Variants in C17orf75 observed in about 807,000 individuals in gnomAD.
C17orf75 encodes the protein protein Njmu-R1.
In C17orf75, 32 loss-of-function variants were observed where a neutral mutation model predicts 49.6. The observed-to-expected ratio is 0.65, with a 90% CI of 0.49 to 0.87. The LOEUF (loss-of-function observed/expected upper bound fraction) is 0.87. Ranked by LOEUF, C17orf75 falls within the 40% of genes least tolerant of loss-of-function variation. The probability of loss-of-function intolerance (pLI) is 0.00; values close to 1 mark genes in which losing one functional copy is unlikely to be tolerated. For missense variants in C17orf75, 428 were observed against 473.9 expected (o/e 0.90, Z 0.90); for synonymous variants, 158 against 159.5 (o/e 0.99, Z 0.07).
rs777605001 is a variant in C17orf75, at chr17:32,339,903, A to C, written c.257T>G (p.Val86Gly). The change falls in exon 3 of 10, where the codon GTG becomes GGG. Residue 86 changes from valine (V) to glycine (G), a missense_variant. Val to Gly is a moderately radical substitution (Grantham distance 109). Transcript: ENST00000577809. ...AATGAAACTGCGCAGCTCTGGCTCC[A>C]CTTCGGATGGTAGATTAGTATCTGC... Reference protein sequence around the residue: ...SLADTNLPSEVEPELRSFIAK... With the variant: ...SLADTNLPSEGEPELRSFIAK... The C allele has an allele frequency of 6.2e-7, 1 of 1,614,000 alleles. No individual in the cohort carries two copies. Among genetic ancestry groups the C allele is most frequent in the Non-Finnish European group, 8.5e-7 (1 of 1,179,868 alleles).
At chr17:32,344,009 C>T, upstream of C17orf75, 1 of 679,916 alleles carries the variant, frequency 1.5e-6, no homozygotes, top group South Asian at 1.5e-5. Flanking sequence ...GGGTTTAATC[C>T]TGGCACAGAA....
At chr17:32,332,195 C>T (rs1177820637) in intron 9 of C17orf75, among the ~76,000 whole-genome samples, 2 of 152,074 alleles carry the variant, frequency 1.3e-5, no homozygotes, top group East Asian at 1.9e-4. Flanking sequence ...CAGGCTGAAG[C>T]GCAATGGCTT....
At chr17:32,343,469 C>A (rs988850263), upstream of C17orf75, 1 of 235,924 alleles carries the variant, frequency 4.2e-6, no homozygotes, top group Non-Finnish European at 8.1e-6. Flanking sequence ...CAGTTGAGAT[C>A]GTTAAATCCC....
At chr17:32,334,165 A>G (rs1345840592) in intron 8 of C17orf75, among the ~76,000 whole-genome samples, 4 of 152,174 alleles carry the variant, frequency 2.6e-5, no homozygotes, top group Non-Finnish European at 5.9e-5. Context: ...TCTTGTTGAT[A>G]AACACTTAAA....
chr17:32,346,898 C>G (rs751531009), upstream of C17orf75, among the ~76,000 whole-genome samples: 4 of 152,064 alleles, frequency 2.6e-5, no homozygotes, highest in Non-Finnish European at 4.4e-5. Context: ...GTTTATGGTG[C>G]TGTAACAAAC....
chr17:32,343,522 T>C, upstream of C17orf75: 1 of 282,540 alleles, frequency 3.5e-6, no homozygotes, highest in Non-Finnish European at 6.5e-6. Flanking sequence ...CATTAAATCC[T>C]CAGTCCTAAG....
At chr17:32,339,760 C>T (rs2041360906) in intron 3 of C17orf75, 53 bp downstream of exon 3, 1 of 1,599,322 alleles carries the variant, frequency 6.3e-7, no homozygotes, top group Non-Finnish European at 8.5e-7. Flanking sequence ...CTCATCACTT[C>T]TCATATTTAG....
Position 32,331,569 on chromosome 17 carries a change from CATTATCTA to C in C17orf75, c.*186_*193del, listed in dbSNP as rs1324285295. On this transcript the variant is annotated 3_prime_UTR_variant, in exon 10 of 10. Coordinates refer to ENST00000577809, the MANE Select transcript of C17orf75 (RefSeq NM_022344.4). ...ACTAAAATTTCACAACTCTCACATA[CATTATCTA>C]TCTAGGACTCAGTGAAGATGTTCTT... 1.9e-6 allele frequency: 1 copy of C among 532,304 alleles called. No homozygotes were observed. Among genetic ancestry groups the C allele is most frequent in the East Asian group, 3.0e-5 (1 of 33,826 alleles). The allele number at this position is 532,304 out of a possible 1,614,324, so 33.0% of individuals were successfully genotyped here.
intron 3 of C17orf75, 49 bp from the exon 4 acceptor site, chr17:32,338,400 T>A: frequency 6.4e-7 from 1 of 1,556,796 alleles, no homozygotes; most frequent in Non-Finnish European, 8.7e-7. Flanking sequence ...TACTCATGCA[T>A]CTATAATTTT....
At chr17:32,333,590 A>T in intron 8 of C17orf75, 70 bp from the exon 9 acceptor site, 1 of 1,379,218 alleles carries the variant, frequency 7.3e-7, no homozygotes, top group Non-Finnish European at 1.0e-6. Flanking sequence ...TTTATTTGAG[A>T]CGGGAGATTC....
In C17orf75 at chr17:32,329,009, G is replaced by A. The variant is rs1377563582; in HGVS notation, c.*2754C>T. 2.0e-5 allele frequency: 3 copies of A among 151,786 alleles called. No homozygotes were observed. Among genetic ancestry groups the A allele is most frequent in the African/African-American group, 7.3e-5 (3 of 41,350 alleles). 9.4% of individuals were successfully genotyped at this position (151,786 alleles called of 1,614,324 possible). ...CTCTGTGGTTTCTTCTCATGACCAA[G>A]ATATTCAGTTCCATGACACCATTTT... On this transcript the variant is annotated 3_prime_UTR_variant, in exon 10 of 10. Transcript: ENST00000577809.
rs555465835 is a variant in C17orf75 at position 32,335,764 on chromosome 17, T to C, written c.550-322A>G. 7.9e-5 allele frequency among the ~76,000 whole-genome samples: 12 copies of C among 152,344 alleles called. No homozygotes were observed. In the East Asian group the frequency reaches 1.9e-3, roughly 24 times the overall value. The stretch of plus-strand genomic sequence containing the variant: ...ACAAGTCCCTCTCCTCCCACTGTAC[T>C]GTGCACTCAATGGAGATACTCACTC... On this transcript the variant is annotated intron_variant, in intron 5 of 9. Transcript: ENST00000577809.
At chr17:32,334,384 G>A (rs1238749570) in intron 8 of C17orf75, 85 bp downstream of exon 8, 8 of 1,460,820 alleles carry the variant, frequency 5.5e-6, no homozygotes, top group Non-Finnish European at 6.4e-6. Context: ...AAGGCAGGAA[G>A]AATAAGGTTG....
Position 32,331,350 on chromosome 17 carries a change from A to G in C17orf75, c.*413T>C, listed in dbSNP as rs557178318. The G allele has an allele frequency of 1.9e-5, 3 of 155,520 alleles. No individual in the cohort carries two copies. The highest frequency in any genetic ancestry group is 1.3e-4 in the Admixed American group (2 of 15,484). The allele number at this position is 155,520 out of a possible 1,614,324, so 9.6% of individuals were successfully genotyped here. A position where few individuals can be genotyped will look rare whatever the true frequency, so the allele number is the denominator to read the frequency against. On this transcript the variant is annotated 3_prime_UTR_variant, in exon 10 of 10. Transcript: ENST00000577809. Reference sequence around the variant, plus strand: ...TGTAGTGGTATTAATCTGTTCTAAGACTAGAATTACATTTTTTTTTTTAAG... The same window carrying G: ...TGTAGTGGTATTAATCTGTTCTAAGGCTAGAATTACATTTTTTTTTTTAAG...
intron 4 of C17orf75, 80 bp from the exon 5 acceptor site, chr17:32,338,034 A>G: frequency 5.2e-6 from 8 of 1,529,938 alleles, no homozygotes; most frequent in Non-Finnish European, 7.2e-6. Flanking sequence ...AAATCTCTCA[A>G]ATAATGTGAG....
rs2150773049 is a variant in C17orf75, at chr17:32,331,732, C to T, written c.*31G>A. ...CAAACACTAAGACTTAAATATACAACTTGATCATACAATTATCTCAAAACA... is the reference window on the plus strand; with the variant it reads ...CAAACACTAAGACTTAAATATACAATTTGATCATACAATTATCTCAAAACA... On this transcript the variant is annotated 3_prime_UTR_variant, in exon 10 of 10. Transcript: ENST00000577809. 1.3e-6 allele frequency: 2 copies of T among 1,533,788 alleles called. No individual in the cohort carries two copies. Among genetic ancestry groups the T allele is most frequent in the South Asian group, 2.2e-5 (2 of 89,342 alleles).
At chr17:32,338,009 T>C in intron 4 of C17orf75, 55 bp from the exon 5 acceptor site, 2 of 1,539,230 alleles carry the variant, frequency 1.3e-6, no homozygotes, top group East Asian at 2.3e-5. Flanking sequence ...ATTTCATCTC[T>C]CAACAAGAAA....
In C17orf75 at chr17:32,330,145, T is replaced by C. The variant is rs1401226545; in HGVS notation, c.*1618A>G. On this transcript the variant is annotated 3_prime_UTR_variant, in exon 10 of 10. Coordinates refer to ENST00000577809, the MANE Select transcript of C17orf75 (RefSeq NM_022344.4). ...GGCATGAGCCATCGTGCCCAGCCAC[T>C]CTCACTTTAATACTATGAAAAATGC... 2 of 152,218 alleles carry C rather than the reference T, an allele frequency of 1.3e-5. No homozygotes were observed. The highest frequency in any genetic ancestry group is 4.8e-5 in the African/African-American group (2 of 41,458). 9.4% of individuals were successfully genotyped at this position (152,218 alleles called of 1,614,324 possible).
At chr17:32,337,794 T>G in intron 5 of C17orf75, 103 bp downstream of exon 5, 1 of 956,036 alleles carries the variant, frequency 1.0e-6, no homozygotes, top group Non-Finnish European at 1.6e-6. Flanking sequence ...TCTGACCTTG[T>G]GATCTGCCCA....
Sources: gnomAD v4.1 joint callset for allele counts (sites outside exome capture counted in the v4.1 genomes callset) on GRCh38, gnomAD v4.1.1 for gene constraint, MANE v1.5 for transcripts, NCBI Gene and HGNC (gene_info 2026-07-23, HGNC 2026-07-21) for gene names.